CCSER1: variants seen among roughly 807,000 people sequenced by gnomAD.
CCSER1 encodes serine-rich coiled-coil domain-containing protein 1.
CCSER1 carries 41 observed loss-of-function variants against 82.0 expected under a neutral mutation model. The ratio of observed to expected loss-of-function variants is 0.50; its 90% CI spans 0.39 to 0.65. The LOEUF (loss-of-function observed/expected upper bound fraction) is 0.65, where lower values mean the gene tolerates loss of function less well. Among genes scored for constraint, CCSER1 ranks in the 30% least tolerant of loss-of-function variants. The probability of loss-of-function intolerance (pLI) is 0.00; values close to 1 mark genes in which losing one functional copy is unlikely to be tolerated. For missense variants in CCSER1, 1,119 were observed against 1,064.2 expected, an observed-to-expected ratio of 1.05 and a Z score of -0.72; for synonymous variants, 414 against 383.9, an observed-to-expected ratio of 1.08 and a Z score of -0.92.
intron 10 of CCSER1, among the ~76,000 whole-genome samples, chr4:91,569,800 T>A (rs1763079189): frequency 6.6e-6 from 1 of 152,090 alleles, no homozygotes; most frequent in African/African-American, 2.4e-5. Context: ...TGCCCCTGCC[T>A]CCTCCCAAAT....
At chr4:91,579,103 TTTACTA>T (rs1763600691) in intron 10 of CCSER1, among the ~76,000 whole-genome samples, 1 of 151,594 alleles carries the variant, frequency 6.6e-6, no homozygotes, top group Admixed American at 6.6e-5. Flanking sequence ...TGCATCATCC[TTTACTA>T]TTATTATTAT....
chr4:90,612,987 A>G (rs879681121), intron 5 of CCSER1, among the ~76,000 whole-genome samples: 6 of 152,136 alleles, frequency 3.9e-5, no homozygotes, highest in Non-Finnish European at 8.8e-5. Flanking sequence ...ATGAATTCTG[A>G]GTATCCAGGG....
chr4:90,632,073 C>G (rs1257248976), intron 6 of CCSER1, among the ~76,000 whole-genome samples: 2 of 152,086 alleles, frequency 1.3e-5, no homozygotes, highest in African/African-American at 4.8e-5. Flanking sequence ...TCTATATAGT[C>G]CATATTACTT....
At chr4:90,204,476 G>C (rs189445275) in intron 1 of CCSER1, among the ~76,000 whole-genome samples, 3 of 152,134 alleles carry the variant, frequency 2.0e-5, no homozygotes, top group Admixed American at 2.0e-4. Context: ...TTGTTTTTGT[G>C]AGGTTTGTCA....
At chr4:90,925,099 C>A (rs1031512669) in intron 9 of CCSER1, among the ~76,000 whole-genome samples, 2 of 152,118 alleles carry the variant, frequency 1.3e-5, no homozygotes, top group Non-Finnish European at 2.9e-5. Flanking sequence ...TTACAAATAA[C>A]AACCTTTGTA....
At chr4:91,391,049 T>A (rs1751613980) in intron 10 of CCSER1, among the ~76,000 whole-genome samples, 1 of 152,042 alleles carries the variant, frequency 6.6e-6, no homozygotes. Flanking sequence ...ATTTTCTCTA[T>A]TTCCTGTTTT....
rs567095903 is a variant in CCSER1, at chr4:90,666,814, T to G, written c.1932+38582T>G. Among the ~76,000 whole-genome samples the G allele has an allele frequency of 3.5e-3, 535 of 152,136 alleles. 4 individuals carry two copies. The highest frequency in any genetic ancestry group is 6.3e-3 in the Non-Finnish European group (429 of 67,980). On this transcript the variant is annotated intron_variant, in intron 6 of 10. Transcript: ENST00000509176. Reference sequence around the variant, plus strand: ...TCCAAGAGTAAAGTAGAAAATTTTGTGGGGGAGAGGAGGAATCAGGGAAAT... The same window carrying G: ...TCCAAGAGTAAAGTAGAAAATTTTGGGGGGGAGAGGAGGAATCAGGGAAAT...
At chr4:90,986,630 G>C (rs1400857178) in intron 9 of CCSER1, among the ~76,000 whole-genome samples, 1 of 151,600 alleles carries the variant, frequency 6.6e-6, no homozygotes, top group Non-Finnish European at 1.5e-5. Flanking sequence ...CAAACCACAT[G>C]CAATAACCCT....
chr4:90,524,219 T>C (rs535550374), intron 5 of CCSER1, among the ~76,000 whole-genome samples: 3 of 152,332 alleles, frequency 2.0e-5, no homozygotes, highest in South Asian at 2.1e-4. Flanking sequence ...TAGGAGCTTA[T>C]TAAAATTAGG....
chr4:90,633,331 A>G (rs1407027293), intron 6 of CCSER1, among the ~76,000 whole-genome samples: 1 of 152,012 alleles, frequency 6.6e-6, no homozygotes, highest in Non-Finnish European at 1.5e-5. Flanking sequence ...GAAGTGTACA[A>G]TATGTTTTTT....
chr4:91,379,601 C>T (rs1267557800), intron 10 of CCSER1, among the ~76,000 whole-genome samples: 2 of 151,958 alleles, frequency 1.3e-5, no homozygotes, highest in Non-Finnish European at 2.9e-5. Context: ...TGGTGATATC[C>T]CCTTTATCAT....
intron 1 of CCSER1, among the ~76,000 whole-genome samples, chr4:90,150,215 G>A (rs944787347): frequency 2.0e-5 from 3 of 152,106 alleles, no homozygotes; most frequent in Admixed American, 6.6e-5. Flanking sequence ...TGGTATCTGC[G>A]GGGAGTCCTG....
At chr4:90,972,258 T>C (rs770283038) in intron 9 of CCSER1, among the ~76,000 whole-genome samples, 16 of 151,708 alleles carry the variant, frequency 1.1e-4, no homozygotes, top group Non-Finnish European at 2.2e-4. Context: ...CCAAAACTAT[T>C]AGAACTAATA....
chr4:90,898,581 C>A (rs1724117764), intron 8 of CCSER1, among the ~76,000 whole-genome samples: 1 of 151,836 alleles, frequency 6.6e-6, no homozygotes, highest in Non-Finnish European at 1.5e-5. Flanking sequence ...AGCCACCATC[C>A]CTGGCCTTAA....
chr4:91,567,903 T>C (rs1157320560), intron 10 of CCSER1, among the ~76,000 whole-genome samples: 1 of 152,072 alleles, frequency 6.6e-6, no homozygotes, highest in African/African-American at 2.4e-5. Context: ...CATCCTATCA[T>C]TGTGATGTTA....
intron 1 of CCSER1, among the ~76,000 whole-genome samples, chr4:90,233,300 A>G (rs1745034788): frequency 6.6e-6 from 1 of 152,296 alleles, no homozygotes; most frequent in African/African-American, 2.4e-5. Context: ...GCCATAAAAA[A>G]TGATGAGTTC....
intron 3 of CCSER1, among the ~76,000 whole-genome samples, chr4:90,321,162 T>C (rs1737085030): frequency 6.6e-6 from 1 of 152,156 alleles, no homozygotes; most frequent in Non-Finnish European, 1.5e-5. Context: ...CTAGATCTTA[T>C]TCATTCTACA....
intron 10 of CCSER1, among the ~76,000 whole-genome samples, chr4:91,159,813 GA>G (rs1731195503): frequency 6.6e-6 from 1 of 151,790 alleles, no homozygotes; most frequent in Non-Finnish European, 1.5e-5. Context: ...CAAAATTTTT[GA>G]GGATACCTAA....
At chr4:90,321,934 T>A (rs1737214301) in intron 3 of CCSER1, among the ~76,000 whole-genome samples, 1 of 152,178 alleles carries the variant, frequency 6.6e-6, no homozygotes, top group Admixed American at 6.5e-5. Flanking sequence ...CTGTGGGTTG[T>A]CTCTTGACTT....
Sources: allele counts gnomAD v4.1 joint callset (sites outside exome capture counted in the v4.1 genomes callset), GRCh38; gene constraint gnomAD v4.1.1; transcripts MANE v1.5; gene names NCBI Gene and HGNC (gene_info 2026-07-23, HGNC 2026-07-21).